ARNT2: variants seen among roughly 807,000 people sequenced by gnomAD.
ARNT2 encodes the protein ARNT protein 2.
Under a neutral mutation model 91.7 loss-of-function variants are expected in ARNT2, and 36 were observed. The observed-to-expected ratio is 0.39, with a 90% confidence interval of 0.30 to 0.52. ARNT2 has a LOEUF of 0.52. Ranked by LOEUF, ARNT2 falls within the 20% of genes least tolerant of loss-of-function variation. The pLI, the probability that ARNT2 is intolerant of heterozygous loss-of-function variation, is 0.72. For synonymous variants in ARNT2, 365 were observed against 347.1 expected (o/e 1.05, Z -0.57); for missense variants, 775 against 939.3 (o/e 0.83, Z 2.29).
chr15:80,518,746 C>T (rs979026270), intron 8 of ARNT2, among the ~76,000 whole-genome samples: 10 of 152,126 alleles, frequency 6.6e-5, no homozygotes, highest in African/African-American at 2.4e-4. Context: ...TTTCTTGTCT[C>T]TCCCTCCCCT....
chr15:80,418,685 C>T (rs912795077), intron 1 of ARNT2, among the ~76,000 whole-genome samples: 3 of 152,134 alleles, frequency 2.0e-5, no homozygotes, highest in Non-Finnish European at 4.4e-5. Context: ...TGCTGTGGGA[C>T]GGATGCTGTG....
intron 12 of ARNT2, among the ~76,000 whole-genome samples, chr15:80,572,696 G>A (rs536143578): frequency 9.2e-5 from 14 of 152,330 alleles, no homozygotes; most frequent in African/African-American, 2.6e-4. Context: ...ATAGACAGTG[G>A]ACGTAAACAA....
chr15:80,419,826 G>A (rs1895836686), intron 1 of ARNT2, among the ~76,000 whole-genome samples: 1 of 152,220 alleles, frequency 6.6e-6, no homozygotes, highest in Non-Finnish European at 1.5e-5. Context: ...AACACAAATG[G>A]TTTTCCTGTG....
chr15:80,458,158 C>T (rs1896505277), intron 3 of ARNT2, among the ~76,000 whole-genome samples, 182 bp downstream of exon 3: 1 of 152,014 alleles, frequency 6.6e-6, no homozygotes, highest in East Asian at 1.9e-4. Flanking sequence ...CTGCCACATC[C>T]CAGCAGAGAT....
intron 6 of ARNT2, among the ~76,000 whole-genome samples, chr15:80,509,513 A>G (rs1039320212): frequency 2.6e-5 from 4 of 152,180 alleles, no homozygotes; most frequent in Admixed American, 2.6e-4. Flanking sequence ...CATAGAATTC[A>G]TTTTAGTAGG....
intron 10 of ARNT2, among the ~76,000 whole-genome samples, chr15:80,554,399 A>T (rs933613277): frequency 6.6e-6 from 1 of 152,290 alleles, no homozygotes; most frequent in South Asian, 2.1e-4. Flanking sequence ...ACAAGAGTGA[A>T]ACTCCATCTC....
chr15:80,465,002 A>G (rs7180548), intron 3 of ARNT2, among the ~76,000 whole-genome samples: 4,370 of 152,268 alleles, frequency 0.029, 212 homozygotes, highest in African/African-American at 0.099. Context: ...GTCTCTTCCT[A>G]CAGTTCTGAC....
chr15:80,442,298 G>A (rs541264352), intron 1 of ARNT2, among the ~76,000 whole-genome samples: 3 of 152,328 alleles, frequency 2.0e-5, no homozygotes, highest in African/African-American at 7.2e-5. Context: ...TGCCAGGTTA[G>A]CATAGGGGTG....
intron 5 of ARNT2, among the ~76,000 whole-genome samples, chr15:80,503,904 C>T (rs868013190): frequency 4.6e-5 from 7 of 152,192 alleles, no homozygotes; most frequent in African/African-American, 1.7e-4. Flanking sequence ...CTGCAGAGCC[C>T]TGGTCCATGT....
intron 12 of ARNT2, among the ~76,000 whole-genome samples, chr15:80,570,523 C>T (rs1898565904): frequency 6.6e-6 from 1 of 152,064 alleles, no homozygotes; most frequent in South Asian, 2.1e-4. Flanking sequence ...TATACTGATT[C>T]ATTTTTCAAT....
chr15:80,492,667 C>T (rs1442864357), intron 5 of ARNT2, among the ~76,000 whole-genome samples: 1 of 152,014 alleles, frequency 6.6e-6, no homozygotes, highest in Non-Finnish European at 1.5e-5. Context: ...ATATTTACCT[C>T]CTTTCCCTTT....
chr15:80,474,505 G>C (rs1458262209), intron 4 of ARNT2, among the ~76,000 whole-genome samples: 4 of 152,202 alleles, frequency 2.6e-5, no homozygotes, highest in Non-Finnish European at 5.9e-5. Context: ...AAGAGAAAAG[G>C]AACAAGAGGG....
chr15:80,584,848 G>A, intron 17 of ARNT2, among the ~76,000 whole-genome samples: 1 of 152,208 alleles, frequency 6.6e-6, no homozygotes, highest in East Asian at 1.9e-4. Flanking sequence ...CCTGCTTCTG[G>A]CTGGCTGGAG....
intron 5 of ARNT2, among the ~76,000 whole-genome samples, chr15:80,507,834 T>C (rs1897294811): frequency 6.6e-6 from 1 of 152,130 alleles, no homozygotes; most frequent in Admixed American, 6.5e-5. Context: ...AGTAAGGAAG[T>C]TGGTGACCTT....
chr15:80,552,052 G>GTA (rs1898090697), intron 9 of ARNT2, among the ~76,000 whole-genome samples: 1 of 152,142 alleles, frequency 6.6e-6, no homozygotes, highest in Admixed American at 6.5e-5. Context: ...AGGACATTGA[G>GTA]GGTCTTCCCC....
rs1181706715 is a variant in ARNT2 at position 80,508,258 on chromosome 15, G to C, written c.725G>C (p.Arg242Thr). The change falls in exon 6 of 19, where the codon AGG becomes ACG. Residue 242 changes from arginine (R) to threonine (T), a missense_variant and splice_region_variant. Coordinates refer to ENST00000303329, the MANE Select transcript of ARNT2 (RefSeq NM_014862.4). ...CGGCGGTCTTTCATCTGCAGGATGA[G>C]GTCTGTTTTGGGGGAGCAGCAGGCC... ...GSRRSFICRM[R>T]CGNAPLDHLP... 1 of 1,613,788 alleles carries C rather than the reference G, an allele frequency of 6.2e-7. No homozygotes were observed. Among genetic ancestry groups the C allele is most frequent in the South Asian group, 1.1e-5 (1 of 91,068 alleles).
chr15:80,497,561 C>T (rs1467306732), intron 5 of ARNT2, among the ~76,000 whole-genome samples: 1 of 152,230 alleles, frequency 6.6e-6, no homozygotes, highest in African/African-American at 2.4e-5. Flanking sequence ...TTATGAGGCC[C>T]TCAGCAGAGA....
intron 8 of ARNT2, among the ~76,000 whole-genome samples, chr15:80,550,197 AC>A (rs1458741517): frequency 6.6e-6 from 1 of 152,208 alleles, no homozygotes; most frequent in Non-Finnish European, 1.5e-5. Flanking sequence ...GTAAGGATAA[AC>A]CAGAAATGAA....
intron 8 of ARNT2, among the ~76,000 whole-genome samples, chr15:80,530,826 G>T (rs758780975): frequency 7.9e-5 from 12 of 152,110 alleles, no homozygotes; most frequent in African/African-American, 1.2e-4. Flanking sequence ...TCCAAAATTA[G>T]TCCCCGTAGA....
Sources: allele counts gnomAD v4.1 joint callset (sites outside exome capture counted in the v4.1 genomes callset), GRCh38; gene constraint gnomAD v4.1.1; transcripts MANE v1.5; gene names NCBI Gene and HGNC (gene_info 2026-07-23, HGNC 2026-07-21).